Variants in POLA2 observed in about 807,000 individuals in gnomAD.
POLA2 encodes the protein DNA polymerase alpha subunit B.
Under a neutral mutation model 82.8 loss-of-function variants are expected in POLA2, and 47 were observed. That is an observed-to-expected ratio of 0.57 (90% CI 0.45 to 0.72). The LOEUF is 0.72. POLA2 is among the 30% of genes least tolerant of loss of function. The probability of loss-of-function intolerance (pLI) is 0.00; values close to 1 mark genes in which losing one functional copy is unlikely to be tolerated. For synonymous variants in POLA2, 287 were observed against 286.8 expected (o/e 1.00, Z -0.01); for missense variants, 634 against 728.1 (o/e 0.87, Z 1.49).
intron 4 of POLA2, among the ~76,000 whole-genome samples, chr11:65,271,167 C>T (rs927486010): frequency 1.3e-5 from 2 of 152,302 alleles, no homozygotes; most frequent in Non-Finnish European, 2.9e-5. Flanking sequence ...GTCGGCCTTC[C>T]CTCCATTAGA....
intron 11 of POLA2, among the ~76,000 whole-genome samples, chr11:65,288,235 G>A (rs1455657815): frequency 6.6e-6 from 1 of 152,148 alleles, no homozygotes; most frequent in Non-Finnish European, 1.5e-5. Flanking sequence ...TTGAACCTGG[G>A]AAGCAGAGGT....
At chr11:65,281,412 A>G (rs1204428493) in intron 8 of POLA2, among the ~76,000 whole-genome samples, 1 of 152,204 alleles carries the variant, frequency 6.6e-6, no homozygotes, top group Admixed American at 6.5e-5. Context: ...TTAACCATCT[A>G]AACTACAGTT....
intron 10 of POLA2, among the ~76,000 whole-genome samples, chr11:65,284,666 C>T (rs921418428): frequency 3.3e-5 from 5 of 152,050 alleles, no homozygotes; most frequent in Non-Finnish European, 5.9e-5. Context: ...GCTGGGATTA[C>T]AGGCATGCAC....
chr11:65,262,862 A>G (rs1949414191), intron 1 of POLA2, among the ~76,000 whole-genome samples: 1 of 152,178 alleles, frequency 6.6e-6, no homozygotes, highest in East Asian at 1.9e-4. Flanking sequence ...GTAGGTTCCT[A>G]AAATTGAATT....
intron 15 of POLA2, 106 bp downstream of exon 15, chr11:65,294,758 G>T (rs953623326): frequency 1.2e-5 from 9 of 756,626 alleles, no homozygotes; most frequent in East Asian, 2.6e-5. Flanking sequence ...TGACCAGAGA[G>T]AGCTGAAAGC....
intron 4 of POLA2, among the ~76,000 whole-genome samples, chr11:65,274,142 A>G (rs1358246526): frequency 6.6e-6 from 1 of 152,032 alleles, no homozygotes; most frequent in Non-Finnish European, 1.5e-5. Flanking sequence ...ACCTGAGATC[A>G]GGAGTTCGAG....
chr11:65,266,556 T>C, intron 1 of POLA2, 26 bp from the exon 2 acceptor site: 1 of 1,613,084 alleles, frequency 6.2e-7, no homozygotes, highest in Non-Finnish European at 8.5e-7. Flanking sequence ...ACTAAGTTTT[T>C]ACTTGTCCAA....
downstream of POLA2, among the ~76,000 whole-genome samples, chr11:65,298,880 G>A (rs1241872931): frequency 6.6e-6 from 1 of 152,222 alleles, no homozygotes; most frequent in African/African-American, 2.4e-5. Flanking sequence ...CCAGGCAATG[G>A]TTGCCTGGAT....
At chr11:65,276,282 T>C (rs1390541728) in intron 5 of POLA2, among the ~76,000 whole-genome samples, 1 of 152,184 alleles carries the variant, frequency 6.6e-6, no homozygotes, top group African/African-American at 2.4e-5. Context: ...AAACAACCTG[T>C]CTATTCAGAA....
At chr11:65,282,876 C>T (rs1949655992) in intron 10 of POLA2, among the ~76,000 whole-genome samples, 1 of 152,210 alleles carries the variant, frequency 6.6e-6, no homozygotes, top group African/African-American at 2.4e-5. Context: ...CACCTGTATT[C>T]CCAACACTTT....
chr11:65,295,928 G>T lies in POLA2; in HGVS notation c.1585G>T (p.Ala529Ser), dbSNP rs546255396. Residue 529 changes from alanine (A) to serine (S), a missense_variant, in exon 17 of 18, where the codon GCA becomes TCA. Coordinates refer to ENST00000265465, the MANE Select transcript of POLA2 (RefSeq NM_002689.4). ...AIDYESFYVY[A>S]QLPVTPDVLI... ...TGACTATGAGTCGTTCTATGTTTAC[G>T]CACAGCTGCCTGTCACCCCAGATGT... The T allele has an allele frequency of 1.2e-6, 2 of 1,614,046 alleles. No individual in the cohort carries two copies. The highest frequency in any genetic ancestry group is 1.3e-5 in the African/African-American group (1 of 75,022).
Position 65,297,328 on chromosome 11 carries a change from A to T in POLA2, c.*59A>T, listed in dbSNP as rs1228883689. ...GCCCTTAAAGTCTTAGCCAAGAGCC[A>T]AGACATAGCCCTGTGACAAGGTGAA... On this transcript the variant is annotated 3_prime_UTR_variant, in exon 18 of 18. Transcript: ENST00000265465. 6 of 1,507,914 alleles carry T rather than the reference A, an allele frequency of 4.0e-6. No individual in the cohort carries two copies. Among genetic ancestry groups the T allele is most frequent in the Non-Finnish European group, 5.3e-6 (6 of 1,129,750 alleles). 93.4% of individuals were successfully genotyped at this position (1,507,914 alleles called of 1,614,324 possible).
At chr11:65,274,213 G>A (rs941575809) in intron 4 of POLA2, among the ~76,000 whole-genome samples, 2 of 151,782 alleles carry the variant, frequency 1.3e-5, no homozygotes, top group Non-Finnish European at 1.5e-5. Flanking sequence ...TTAGCTGGGC[G>A]TGGTGGTGCA....
chr11:65,294,533 G>C lies in POLA2; in HGVS notation c.1354-13G>C. 1 of 1,596,472 alleles carries C rather than the reference G, an allele frequency of 6.3e-7. No homozygotes were observed. Among genetic ancestry groups the C allele is most frequent in the Admixed American group, 1.7e-5 (1 of 58,894 alleles). ...GGCATACAAATGTTTGTTTCAATCC[G>C]TTCTCATTTTAGCAAGTACAGTTTG... On this transcript the variant is annotated splice_polypyrimidine_tract_variant and intron_variant, in intron 14 of 17. Transcript: ENST00000265465.
intron 13 of POLA2, among the ~76,000 whole-genome samples, chr11:65,293,579 G>A (rs537124545): frequency 6.7e-5 from 10 of 150,204 alleles, no homozygotes; most frequent in African/African-American, 9.9e-5. Flanking sequence ...ACTGCACTCC[G>A]GCCTGGGCGA....
At chr11:65,299,086 C>A (rs116460248), downstream of POLA2, among the ~76,000 whole-genome samples, 228 of 152,352 alleles carry the variant, frequency 1.5e-3, no homozygotes, top group African/African-American at 5.2e-3. Flanking sequence ...CGTCCCTAGA[C>A]CCCACTTCAG....
At chr11:65,268,605 G>A in intron 3 of POLA2, 67 bp from the exon 4 acceptor site, 1 of 997,240 alleles carries the variant, frequency 1.0e-6, no homozygotes, top group Non-Finnish European at 1.6e-6. Flanking sequence ...GCCTCCCAAA[G>A]TGCTGGGATT....
intron 10 of POLA2, 24 bp from the exon 11 acceptor site, chr11:65,287,692 C>T (rs1202350469): frequency 1.2e-6 from 2 of 1,602,406 alleles, no homozygotes; most frequent in East Asian, 2.2e-5. Flanking sequence ...CTCTTCTAAT[C>T]AAGACCTATA....
chr11:65,300,575 G>GT (rs1261260338), downstream of POLA2, among the ~76,000 whole-genome samples: 4 of 123,976 alleles, frequency 3.2e-5, no homozygotes, highest in Non-Finnish European at 7.0e-5. Flanking sequence ...GTCAGGTTTT[G>GT]TTTGTTTGTT....
Sources: gnomAD v4.1 joint callset for allele counts (sites outside exome capture counted in the v4.1 genomes callset) on GRCh38, gnomAD v4.1.1 for gene constraint, MANE v1.5 for transcripts, NCBI Gene and HGNC (gene_info 2026-07-23, HGNC 2026-07-21) for gene names.